The following POLR2F variants were observed in gnomAD, a reference collection of about 807,000 sequenced individuals.
The protein encoded by POLR2F is DNA-directed RNA polymerases I, II, and III subunit RPABC2.
In POLR2F, 12 loss-of-function variants were observed where a neutral mutation model predicts 22.7. The observed-to-expected ratio is 0.53, with a 90% confidence interval of 0.34 to 0.86. The LOEUF is 0.86. Ranked by LOEUF, POLR2F falls within the 40% of genes least tolerant of loss-of-function variation. POLR2F has a pLI of 0.02. For missense variants in POLR2F, 126 were observed against 171.5 expected (o/e 0.73, Z 1.48); for synonymous variants, 57 against 66.0 (o/e 0.86, Z 0.66).
intron 5 of POLR2F, among the ~76,000 whole-genome samples, chr22:38,038,968 G>A (rs1321057942): frequency 1.3e-5 from 2 of 152,120 alleles, no homozygotes; most frequent in Non-Finnish European, 2.9e-5. Context: ...TCCACAGGAC[G>A]TTCGTGACCC....
chr22:37,967,197 T>A, intron 4 of POLR2F, 27 bp downstream of exon 4: 1 of 1,608,206 alleles, frequency 6.2e-7, no homozygotes, highest in Non-Finnish European at 8.5e-7. Flanking sequence ...ATGGTTCACT[T>A]CTCCAAATCT....
chr22:38,015,250 T>G (rs2084906442), intron 1 of POLR2F, among the ~76,000 whole-genome samples: 1 of 152,126 alleles, frequency 6.6e-6, no homozygotes, highest in African/African-American at 2.4e-5. Context: ...GGAGAAAGAG[T>G]TGGTGCCCAT....
At chr22:37,958,155 G>A (rs978968511) in intron 2 of POLR2F, among the ~76,000 whole-genome samples, 1 of 150,614 alleles carries the variant, frequency 6.6e-6, no homozygotes, top group Non-Finnish European at 1.5e-5. Flanking sequence ...GGGACTGCAG[G>A]TTCTGCACCA....
At chr22:38,033,373 T>G (rs368237763) in intron 5 of POLR2F, among the ~76,000 whole-genome samples, 1 of 152,136 alleles carries the variant, frequency 6.6e-6, no homozygotes, top group Non-Finnish European at 1.5e-5. Context: ...TAGGCTCTGG[T>G]AGAGCCAGGG....
chr22:38,006,858 C>T (rs571661144), intron 1 of POLR2F, among the ~76,000 whole-genome samples: 5 of 152,202 alleles, frequency 3.3e-5, no homozygotes, highest in Non-Finnish European at 7.3e-5. Flanking sequence ...GTCCTCCTGC[C>T]TCACCCAACA....
At chr22:37,984,134 G>GA (rs953343302), upstream of POLR2F, 14 of 181,086 alleles carry the variant, frequency 7.7e-5, no homozygotes, top group Non-Finnish European at 1.5e-4. This position sits in a 1 kb window ranked among gnomAD's most constrained non-coding sequence, Gnocchi z 4.4. Flanking sequence ...TGATAAGGAA[G>GA]AAAAAAACGG....
intron 1 of POLR2F, among the ~76,000 whole-genome samples, chr22:38,015,436 T>C (rs1235756813): frequency 4.6e-5 from 7 of 152,212 alleles, no homozygotes; most frequent in Non-Finnish European, 1.0e-4. Flanking sequence ...CTAACTGGAC[T>C]CGATGTGATC....
chr22:38,033,263 C>T (rs2085083441), intron 5 of POLR2F: 1 of 152,168 alleles, frequency 6.6e-6, no homozygotes, highest in South Asian at 2.1e-4. Flanking sequence ...CTTTCTTCGC[C>T]AGCCTTTTCA....
At chr22:38,041,109 T>A (rs1362387667), downstream of POLR2F, 2 of 1,612,812 alleles carry the variant, frequency 1.2e-6, no homozygotes, top group Admixed American at 3.3e-5. Context: ...TGAAGCCCCG[T>A]GAACAATGCA....
At chr22:38,023,039 A>G (rs2084974840) in intron 1 of POLR2F, among the ~76,000 whole-genome samples, 1 of 152,184 alleles carries the variant, frequency 6.6e-6, no homozygotes, top group Admixed American at 6.5e-5. Flanking sequence ...AAAAAAACAA[A>G]CAAAGAAACA....
chr22:37,992,170 A>G (rs1294265827), intron 1 of POLR2F, among the ~76,000 whole-genome samples: 2 of 152,096 alleles, frequency 1.3e-5, no homozygotes, highest in Non-Finnish European at 2.9e-5. Context: ...ACCTCCATTT[A>G]TTAGCTGTGT....
upstream of POLR2F, among the ~76,000 whole-genome samples, chr22:37,981,711 C>G (rs1201300043): frequency 1.3e-5 from 2 of 152,180 alleles, no homozygotes; most frequent in Non-Finnish European, 2.9e-5. Context: ...CTCTTTGTCC[C>G]CTGGCACTAA....
At chr22:37,965,449 AATT>A (rs540527875) in intron 3 of POLR2F, among the ~76,000 whole-genome samples, 1 of 152,264 alleles carries the variant, frequency 6.6e-6, no homozygotes, top group Non-Finnish European at 1.5e-5. Flanking sequence ...GTGCAAGAAA[AATT>A]AAATTACTTA....
At chr22:38,014,726 A>G (rs2084901439) in intron 1 of POLR2F, among the ~76,000 whole-genome samples, 1 of 150,396 alleles carries the variant, frequency 6.6e-6, no homozygotes, top group Non-Finnish European at 1.5e-5. Flanking sequence ...CTCGTGATCT[A>G]TCTGCCTCGG....
chr22:38,007,229 C>G (rs952680860), intron 1 of POLR2F, among the ~76,000 whole-genome samples: 1 of 152,034 alleles, frequency 6.6e-6, no homozygotes, highest in Non-Finnish European at 1.5e-5. Flanking sequence ...GCCCCCAGCC[C>G]CTTCTTCACT....
chr22:38,041,504 A>G (rs373624197), downstream of POLR2F: 13 of 246,262 alleles, frequency 5.3e-5, no homozygotes, highest in African/African-American at 2.0e-4. Context: ...GCCAAGGTCA[A>G]GTAATAACGA....
Position 37,986,589 on chromosome 22 carries a change from A to G in POLR2F, c.120+277A>G, listed in dbSNP as rs546302578. ...CTCTGTCTGCAGGAAGCCACGCTAG[A>G]CAGAAGGGGCCACTCCCTCTCTCTC... On this transcript the variant is annotated intron_variant, in intron 1 of 2. Coordinates refer to the POLR2F transcript ENST00000333418. This position sits in a 1 kb window ranked among gnomAD's most constrained non-coding sequence, Gnocchi z 4.7. 47 of 719,180 alleles carry G rather than the reference A, an allele frequency of 6.5e-5. No homozygotes were observed. In the East Asian group the frequency reaches 1.2e-3, roughly 19 times the overall value. The allele number at this position is 719,180 out of a possible 1,614,324, so 44.5% of individuals were successfully genotyped here. A position where few individuals can be genotyped will look rare whatever the true frequency, so the allele number is the denominator to read the frequency against.
chr22:38,010,324 A>G (rs372989439), intron 1 of POLR2F, among the ~76,000 whole-genome samples: 26 of 152,032 alleles, frequency 1.7e-4, no homozygotes, highest in African/African-American at 5.8e-4. Context: ...GCAGTGAGCT[A>G]TGATTGCAGC....
chr22:38,031,901 C>G lies in POLR2F; in HGVS notation c.453-9167C>G, dbSNP rs2085069399. ...CATCGGCCATGACAATTTTTCCTTC[C>G]AAACACATCCGTAGTCCCCTCCCCA... On this transcript the variant is annotated intron_variant, in intron 5 of 5. Coordinates refer to the POLR2F transcript ENST00000407936. This position sits in a 1 kb window ranked among gnomAD's most constrained non-coding sequence, Gnocchi z 4.1. Among the ~76,000 whole-genome samples the G allele has an allele frequency of 6.6e-6, 1 of 152,148 alleles. No homozygotes were observed. The highest frequency in any genetic ancestry group is 1.5e-5 in the Non-Finnish European group (1 of 68,012).
Sources: gnomAD v4.1 joint callset for allele counts (sites outside exome capture counted in the v4.1 genomes callset) on GRCh38, gnomAD v4.1.1 for gene constraint, Gnocchi (gnomAD v3.1) non-coding constraint, MANE v1.5 for transcripts, NCBI Gene and HGNC (gene_info 2026-07-23, HGNC 2026-07-21) for gene names.